NTRK3: variants seen among roughly 807,000 people sequenced by gnomAD.
NTRK3 encodes the protein NT-3 growth factor receptor.
NTRK3 carries 24 observed loss-of-function variants against 91.7 expected under a neutral mutation model. The observed-to-expected ratio is 0.26, with a 90% CI of 0.19 to 0.37. NTRK3 has a LOEUF of 0.37. Among genes scored for constraint, NTRK3 ranks in the 10% least tolerant of loss-of-function variants. The pLI, the probability that NTRK3 is intolerant of heterozygous loss-of-function variation, is 1.00. For synonymous variants in NTRK3, 483 were observed against 404.0 expected (o/e 1.20, Z -2.34); for missense variants, 880 against 1,068.9 (o/e 0.82, Z 2.46).
rs926837315 is a variant in NTRK3, at chr15:88,241,558, G to A, written c.248+14348C>T. Among the ~76,000 whole-genome samples the A allele has an allele frequency of 2.4e-4, 37 of 152,186 alleles. No homozygotes were observed. Among genetic ancestry groups the A allele is most frequent in the African/African-American group, 8.0e-4 (33 of 41,436 alleles). On this transcript the variant is annotated intron_variant, in intron 3 of 18. Coordinates refer to ENST00000394480, the Ensembl canonical transcript of NTRK3. This position sits in a 1 kb window ranked among gnomAD's most constrained non-coding sequence, Gnocchi z 4.3. Reference sequence around the variant, plus strand: ...TGGGCTGGAAAGGAGGAGGGAGGGTGTGCCCTGGTCAGTCTCACCTAGGAG... The same window carrying A: ...TGGGCTGGAAAGGAGGAGGGAGGGTATGCCCTGGTCAGTCTCACCTAGGAG...
intron 17 of NTRK3, chr15:87,928,556 A>G (rs1246272432): frequency 1.9e-5 from 3 of 156,512 alleles, no homozygotes; most frequent in Non-Finnish European, 2.8e-5. Context: ...AGCAGGATGG[A>G]TCTTCTCACA....
chr15:87,969,580 A>T (rs1378033342), intron 14 of NTRK3, among the ~76,000 whole-genome samples: 2 of 152,196 alleles, frequency 1.3e-5, no homozygotes, highest in Admixed American at 1.3e-4. Context: ...GCCTGCTTAC[A>T]TCTTCTGTGC....
At chr15:88,226,909 A>T (rs1025530452) in intron 3 of NTRK3, among the ~76,000 whole-genome samples, 20 of 152,368 alleles carry the variant, frequency 1.3e-4, no homozygotes, top group African/African-American at 4.6e-4. Context: ...AGAGAGGTTA[A>T]GTATCACTGA....
At chr15:87,874,277 C>T (rs2064894817) in exon 19 of NTRK3, 1 of 33,710 alleles carries the variant, frequency 3.0e-5, no homozygotes, top group Non-Finnish European at 5.6e-5. Flanking sequence ...CCCTTCCCTG[C>T]TCTGCCCCTC....
exon 19 of NTRK3, chr15:87,859,859 T>C (rs2064473318): frequency 1.1e-5 from 2 of 180,954 alleles, no homozygotes; most frequent in Admixed American, 6.3e-5. Context: ...TAACATAACA[T>C]TGAAGATATG....
chr15:88,152,343 C>T (rs976235459), intron 5 of NTRK3, among the ~76,000 whole-genome samples: 1 of 152,110 alleles, frequency 6.6e-6, no homozygotes, highest in African/African-American at 2.4e-5. Flanking sequence ...ATCCTAACCC[C>T]CATTGTGTCT....
chr15:87,965,596 C>T (rs1025891096), intron 14 of NTRK3, among the ~76,000 whole-genome samples: 1 of 152,136 alleles, frequency 6.6e-6, no homozygotes, highest in Non-Finnish European at 1.5e-5. Flanking sequence ...TCAGGCAGCC[C>T]GAGGTCACCA....
At chr15:88,159,048 G>C (rs2044191040) in intron 5 of NTRK3, among the ~76,000 whole-genome samples, 1 of 152,248 alleles carries the variant, frequency 6.6e-6, no homozygotes, top group Non-Finnish European at 1.5e-5. Flanking sequence ...GCCCAGGGCG[G>C]GCACTGTCAG....
intron 13 of NTRK3, among the ~76,000 whole-genome samples, chr15:88,062,575 C>G (rs1007312407): frequency 1.3e-5 from 2 of 152,162 alleles, no homozygotes; most frequent in Non-Finnish European, 2.9e-5. Flanking sequence ...AATGAAGCTA[C>G]AAGGTAAAGA....
intron 14 of NTRK3, among the ~76,000 whole-genome samples, chr15:87,968,414 G>C (rs1239316760): frequency 6.6e-6 from 1 of 152,080 alleles, no homozygotes; most frequent in African/African-American, 2.4e-5. Context: ...AAAGACTTCT[G>C]GGAGGTAGAG....
rs117377895 is a variant in NTRK3, at chr15:88,027,974, C to G, written c.1585+4883G>C. 4.3e-3 allele frequency among the ~76,000 whole-genome samples: 653 copies of G among 152,100 alleles called. 4 individuals carry two copies. The highest frequency in any genetic ancestry group is 0.01 in the Middle Eastern group (3 of 292). On this transcript the variant is annotated intron_variant, in intron 14 of 18. Coordinates refer to ENST00000394480, the Ensembl canonical transcript of NTRK3. ...CGATAGCATGGGGCTAGGAAGAATT[C>G]ACAAGAAGCGAGAAATGAAAGAGGT... is the stretch of plus-strand genomic sequence containing the variant.
intron 17 of NTRK3, among the ~76,000 whole-genome samples, chr15:87,917,766 CTT>C (rs1429552142): frequency 2.0e-5 from 3 of 152,128 alleles, no homozygotes; most frequent in Non-Finnish European, 2.9e-5. Context: ...TCCTCTCTCT[CTT>C]GCTCCCTCCC....
chr15:88,221,154 C>A (rs771141232), intron 3 of NTRK3, among the ~76,000 whole-genome samples: 11 of 152,090 alleles, frequency 7.2e-5, no homozygotes, highest in Admixed American at 1.3e-4. Flanking sequence ...GTAATACAGA[C>A]GTATTGTGGA....
intron 3 of NTRK3, among the ~76,000 whole-genome samples, chr15:88,197,034 T>C (rs2141223607): frequency 1.6e-5 from 2 of 127,208 alleles, no homozygotes; most frequent in South Asian, 5.2e-4. Flanking sequence ...ACAATACTAG[T>C]GGGTTGGCAA....
chr15:88,109,154 G>A (rs2051044368), intron 13 of NTRK3, among the ~76,000 whole-genome samples: 3 of 152,208 alleles, frequency 2.0e-5, no homozygotes, highest in South Asian at 4.1e-4. Context: ...GCACCACCGC[G>A]CAAGGTAGAA....
intron 14 of NTRK3, among the ~76,000 whole-genome samples, chr15:87,992,162 A>C (rs1453557898): frequency 5.3e-5 from 8 of 152,166 alleles, no homozygotes; most frequent in Admixed American, 2.0e-4. Context: ...AGTGACTTGA[A>C]AGTGCCACTG....
intron 13 of NTRK3, among the ~76,000 whole-genome samples, chr15:88,094,586 A>T (rs975155819): frequency 1.3e-5 from 2 of 152,076 alleles, no homozygotes; most frequent in Non-Finnish European, 2.9e-5. Context: ...GAATGAGATC[A>T]TACTCATGAA....
intron 3 of NTRK3, among the ~76,000 whole-genome samples, chr15:88,208,818 C>T (rs2049002945): frequency 6.6e-6 from 1 of 152,174 alleles, no homozygotes; most frequent in Admixed American, 6.5e-5. Context: ...GCCTGGAGCC[C>T]ACCCTCAGAG....
rs192024899 is a variant in NTRK3, at chr15:87,865,634, G to C, written c.*11301C>G. ...TTAGTTATACCACCAAATTTATAGA[G>C]AAAGTTTCACAGAGTCCTATTTTTA... On this transcript the variant is annotated 3_prime_UTR_variant, in exon 19 of 19. Coordinates refer to ENST00000394480, the Ensembl canonical transcript of NTRK3. 1.1e-3 allele frequency: 239 copies of C among 218,666 alleles called. 1 individual carries two copies. Among genetic ancestry groups the C allele is most frequent in the African/African-American group, 4.9e-3 (219 of 44,620 alleles). The allele number at this position is 218,666 out of a possible 1,614,324, so 13.5% of individuals were successfully genotyped here.
Sources: allele counts gnomAD v4.1 joint callset (sites outside exome capture counted in the v4.1 genomes callset), GRCh38; gene constraint gnomAD v4.1.1; non-coding constraint Gnocchi (gnomAD v3.1); transcripts MANE v1.5; gene names NCBI Gene and HGNC (gene_info 2026-07-23, HGNC 2026-07-21).